ANAPC7: variants seen among roughly 807,000 people sequenced by gnomAD.
ANAPC7 encodes anaphase-promoting complex subunit 7.
Under a neutral mutation model 63.3 loss-of-function variants are expected in ANAPC7, and 25 were observed. That is an observed-to-expected ratio of 0.39 (90% CI 0.29 to 0.55). The LOEUF is 0.55. ANAPC7 is among the 20% of genes least tolerant of loss of function. The probability of loss-of-function intolerance (pLI) is 0.57; values close to 1 mark genes in which losing one functional copy is unlikely to be tolerated. For missense variants in ANAPC7, 516 were observed against 691.7 expected, an observed-to-expected ratio of 0.75 and a Z score of 2.85; for synonymous variants, 241 against 251.7, an observed-to-expected ratio of 0.96 and a Z score of 0.40.
intron 5 of ANAPC7, chr12:110,386,683 AATAACTCTGTGGTTGCAGTTCTTC>A (rs1566268082): frequency 6.3e-6 from 3 of 475,880 alleles, no homozygotes; most frequent in Non-Finnish European, 1.1e-5. Flanking sequence ...AGTACCAACA[AATAACTCTGTGGTTGCAGTTCTTC>A]AGAACACAAC....
rs763795325 is a variant in ANAPC7 at position 110,376,568 on chromosome 12, C to CAAGAAAAAA, written c.1358-353_1358-352insTTTTTTCTT. On this transcript the variant is annotated intron_variant, in intron 9 of 10. Coordinates refer to ENST00000455511, the MANE Select transcript of ANAPC7 (RefSeq NM_016238.3). ...TGGGCAACAGAGCGAGACTCCATCT[C>CAAGAAAAAA]AAAAAAAAAAAAAAAAAAGAAATTT... 4.2e-4 allele frequency among the ~76,000 whole-genome samples: 26 copies of CAAGAAAAAA among 62,410 alleles called. 1 individual carries two copies. Among genetic ancestry groups the CAAGAAAAAA allele is most frequent in the African/African-American group, 1.9e-3 (24 of 12,730 alleles). The allele number at this position is 62,410 out of a possible 152,430, so 40.9% of individuals were successfully genotyped here. A position where few individuals can be genotyped will look rare whatever the true frequency, so the allele number is the denominator to read the frequency against.
intron 7 of ANAPC7, 145 bp from the exon 8 acceptor site, chr12:110,382,093 A>C: frequency 1.2e-6 from 1 of 817,732 alleles, no homozygotes; most frequent in Non-Finnish European, 1.8e-6. Context: ...AACCTAAGAT[A>C]TTAGTAGAAA....
chr12:110,381,441 A>G (rs914587890), intron 8 of ANAPC7, among the ~76,000 whole-genome samples: 3 of 152,078 alleles, frequency 2.0e-5, no homozygotes, highest in Non-Finnish European at 2.9e-5. Flanking sequence ...GGTTCAAGTG[A>G]TTATCCTGCT....
intron 10 of ANAPC7, 61 bp from the exon 11 acceptor site, chr12:110,374,394 C>T (rs1881065347): frequency 3.3e-6 from 5 of 1,526,540 alleles, no homozygotes; most frequent in Admixed American, 3.6e-5. Flanking sequence ...CTGGCTGATT[C>T]GTCATCTCCC....
At chr12:110,378,850 A>C (rs1592895512) in intron 8 of ANAPC7, 1 of 149,168 alleles carries the variant, frequency 6.7e-6, no homozygotes, top group South Asian at 2.1e-4. Flanking sequence ...AAATTACCTA[A>C]CTCTAACTAT....
At chr12:110,377,136 CAAA>C (rs35149960) in intron 9 of ANAPC7, among the ~76,000 whole-genome samples, 1 of 46,432 alleles carries the variant, frequency 2.2e-5, no homozygotes, top group Non-Finnish European at 4.3e-5. Flanking sequence ...GATGCCGTCT[CAAA>C]AAAAAAAAAA....
At chr12:110,403,199 G>A (rs1353473543) in intron 1 of ANAPC7, among the ~76,000 whole-genome samples, 2 of 152,218 alleles carry the variant, frequency 1.3e-5, no homozygotes, top group East Asian at 3.8e-4. Flanking sequence ...GGAGCCGAGA[G>A]GGAAGGATTC....
At position 110,403,675 on chromosome 12, in the gene ANAPC7, G is replaced by A. The variant is rs1414015426; in HGVS notation, c.-48C>T. On this transcript the variant is annotated 5_prime_UTR_variant, in exon 1 of 11. Coordinates refer to ENST00000455511, the MANE Select transcript of ANAPC7 (RefSeq NM_016238.3). ...AGCGGCGGCAGCACTGACTCGAAAA[G>A]CCGGTAGAGGATCCTTAGGGAAGAC... 1.3e-6 allele frequency: 2 copies of A among 1,557,666 alleles called. No homozygotes were observed. Among genetic ancestry groups the A allele is most frequent in the South Asian group, 2.4e-5 (2 of 84,892 alleles).
chr12:110,379,688 A>G (rs879530702), intron 8 of ANAPC7, among the ~76,000 whole-genome samples: 24 of 152,206 alleles, frequency 1.6e-4, no homozygotes, highest in Non-Finnish European at 2.6e-4. Flanking sequence ...CTCTTTCCCA[A>G]CATCCAAATT....
chr12:110,377,729 G>A, intron 8 of ANAPC7, 112 bp from the exon 9 acceptor site: 1 of 1,533,028 alleles, frequency 6.5e-7, no homozygotes, highest in Admixed American at 2.0e-5. Context: ...ACAAAGGGCA[G>A]GCCACGGGAA....
intron 1 of ANAPC7, among the ~76,000 whole-genome samples, chr12:110,399,201 G>C (rs986697832): frequency 1.1e-4 from 16 of 151,484 alleles, no homozygotes; most frequent in African/African-American, 3.9e-4. Flanking sequence ...TTGTATTTTT[G>C]GTAGAGACGG....
chr12:110,387,383 C>CAGAGAGAGACAGAGAGAGAG (rs1882678086), intron 5 of ANAPC7: 1 of 13,672 alleles, frequency 7.3e-5, no homozygotes, highest in Non-Finnish European at 1.3e-4. Context: ...GAGAGAGAGA[C>CAGAGAGAGACAGAGAGAGAG]AGAGAGAGAG....
chr12:110,388,683 C>T (rs1002840353), intron 3 of ANAPC7, 60 bp from the exon 4 acceptor site: 2 of 1,299,876 alleles, frequency 1.5e-6, no homozygotes, highest in Admixed American at 1.8e-5. Context: ...AAATCTCTCA[C>T]CATGAAAAAG....
chr12:110,376,220 G>C lies in ANAPC7; in HGVS notation c.1358-4C>G, dbSNP rs1592891071. The C allele has an allele frequency of 6.2e-7, 1 of 1,613,486 alleles. No homozygotes were observed. The highest frequency in any genetic ancestry group is 8.5e-7 in the Non-Finnish European group (1 of 1,179,770). On this transcript the variant is annotated splice_polypyrimidine_tract_variant and splice_region_variant and intron_variant, in intron 9 of 10. Transcript: ENST00000455511. ...TCTTCATATTTCTGTTCTCTGCCTGGGGGAATAAAAAAGACCCTCACTTAA... is the reference window on the plus strand; with the variant it reads ...TCTTCATATTTCTGTTCTCTGCCTGCGGGAATAAAAAAGACCCTCACTTAA...
Position 110,403,561 on chromosome 12 carries a change from T to C in ANAPC7, c.67A>G (p.Ser23Gly). ...TTACTCATTGTAAGTAACAAGCTGC[T>C]GAGGAGCCGCACGTTGGAGTGCAGC... is the stretch of plus-strand genomic sequence containing the variant. ...AGLHSNVRLL[S>G]SLLLTMSNNN... The change falls in exon 1 of 11, where the codon AGC becomes GGC. Residue 23 changes from serine to glycine, a missense_variant. This residue lies in a region of ANAPC7 where 185 missense variants were observed against 200.3 expected (regional missense o/e 0.92). Coordinates refer to ENST00000455511, the MANE Select transcript of ANAPC7 (RefSeq NM_016238.3). 1 of 1,607,886 alleles carries C rather than the reference T, an allele frequency of 6.2e-7. No individual in the cohort carries two copies. The highest frequency in any genetic ancestry group is 8.5e-7 in the Non-Finnish European group (1 of 1,177,730).
chr12:110,381,304 T>C (rs1319516146), intron 8 of ANAPC7, among the ~76,000 whole-genome samples: 1 of 152,114 alleles, frequency 6.6e-6, no homozygotes, highest in Non-Finnish European at 1.5e-5. Context: ...CGTCAGGATA[T>C]TGAAAAGCTT....
chr12:110,392,805 T>C (rs572441058), intron 3 of ANAPC7, among the ~76,000 whole-genome samples: 6 of 151,330 alleles, frequency 4.0e-5, no homozygotes, highest in Non-Finnish European at 8.9e-5. Context: ...TGTTTTTTTG[T>C]TTTTTTTGAG....
At chr12:110,384,115 T>C (rs1470666558) in intron 6 of ANAPC7, among the ~76,000 whole-genome samples, 2 of 151,728 alleles carry the variant, frequency 1.3e-5, no homozygotes, top group Admixed American at 6.6e-5. Context: ...GGCAGGAGAA[T>C]TGCTTGAACT....
At position 110,396,665 on chromosome 12, in the gene ANAPC7, C is replaced by T. The variant is rs1181544303; in HGVS notation, c.102-213G>A. 1.3e-4 allele frequency among the ~76,000 whole-genome samples: 18 copies of T among 142,648 alleles called. No individual in the cohort carries two copies. In the South Asian group the frequency reaches 2.4e-3, roughly 19 times the overall value. The allele number at this position is 142,648 out of a possible 152,430, so 93.6% of individuals were successfully genotyped here. Reference sequence around the variant, plus strand: ...AGCTGAGATTACAGGCACATGGCACCACACCCAGCTAATTTTTGTTTTTTT... The same window carrying T: ...AGCTGAGATTACAGGCACATGGCACTACACCCAGCTAATTTTTGTTTTTTT... On this transcript the variant is annotated intron_variant, in intron 1 of 10. Transcript: ENST00000455511.
Sources: allele counts gnomAD v4.1 joint callset (sites outside exome capture counted in the v4.1 genomes callset), GRCh38; gene constraint gnomAD v4.1.1; regional missense constraint gnomAD v4.1.1; transcripts MANE v1.5; gene names NCBI Gene and HGNC (gene_info 2026-07-23, HGNC 2026-07-21).